NDUFAF6: variants seen among roughly 807,000 people sequenced by gnomAD.
NDUFAF6 encodes NADH:ubiquinone oxidoreductase complex assembly factor 6.
In NDUFAF6, 45 loss-of-function variants were observed where a neutral mutation model predicts 40.8. The ratio of observed to expected loss-of-function variants is 1.10; its 90% CI spans 0.87 to 1.42. The LOEUF is 1.42. Ranked by LOEUF, NDUFAF6 falls within the 40% of genes most tolerant of loss-of-function variation. NDUFAF6 has a pLI of 0.00. For synonymous variants in NDUFAF6, 185 were observed against 155.9 expected, an observed-to-expected ratio of 1.19 and a Z score of -1.39; for missense variants, 435 against 418.5, an observed-to-expected ratio of 1.04 and a Z score of -0.34.
chr8:94,987,859 G>GT (rs1211603578), intron 2 of NDUFAF6, among the ~76,000 whole-genome samples: 1 of 152,198 alleles, frequency 6.6e-6, no homozygotes, highest in Non-Finnish European at 1.5e-5. Context: ...CTAGGCTGGT[G>GT]TTTAATTCCA....
chr8:95,024,686 A>G (rs1468685628), upstream of NDUFAF6, among the ~76,000 whole-genome samples: 1 of 151,834 alleles, frequency 6.6e-6, no homozygotes, highest in Non-Finnish European at 1.5e-5. Flanking sequence ...GCGGGGCGTG[A>G]TTTTGGCAGC....
chr8:94,921,317 C>T (rs959978583), intron 1 of NDUFAF6, among the ~76,000 whole-genome samples: 2 of 152,210 alleles, frequency 1.3e-5, no homozygotes, highest in African/African-American at 2.4e-5. Flanking sequence ...CAGCTTCTCT[C>T]GGCAGTCCCA....
chr8:95,003,832 T>C (rs748058898), intron 2 of NDUFAF6, among the ~76,000 whole-genome samples: 8 of 152,234 alleles, frequency 5.3e-5, no homozygotes, highest in East Asian at 1.9e-4. Flanking sequence ...ATTTTAACCA[T>C]TTTAAGTGTG....
intron 2 of NDUFAF6, among the ~76,000 whole-genome samples, chr8:94,950,572 T>G (rs1822508263): frequency 6.6e-6 from 1 of 152,132 alleles, no homozygotes; most frequent in African/African-American, 2.4e-5. Flanking sequence ...GTGCAGGGAG[T>G]TGTCAGACAC....
chr8:95,063,636 G>A (rs898503486), downstream of NDUFAF6, among the ~76,000 whole-genome samples: 5 of 151,966 alleles, frequency 3.3e-5, no homozygotes, highest in Non-Finnish European at 7.4e-5. Flanking sequence ...GTCCTGCCTT[G>A]GTGTACTCTG....
intron 4 of NDUFAF6, among the ~76,000 whole-genome samples, chr8:95,111,050 G>A (rs1432347165): frequency 6.6e-6 from 1 of 152,234 alleles, no homozygotes; most frequent in Non-Finnish European, 1.5e-5. Context: ...GCCTGGGCAG[G>A]AAGCCAGAGG....
At position 95,032,026 on chromosome 8, in the gene NDUFAF6, C is replaced by G; in HGVS notation, c.229C>G (p.Leu77Val). The part of the protein sequence containing the change: ...KRDYEGYLCS[L>V]LLPAESRSSV... ...GGATTATGAAGGTTATTTATGCTCC[C>G]TGCTGCTCCCTGCAGAATCCCGAAG... The change falls in exon 2 of 9, where the codon CTG (leucine) becomes GTG (valine). Residue 77 changes from leucine (L) to valine (V), a missense_variant. By Grantham distance (32) the Leu-to-Val change is conservative. Transcript: ENST00000396124. 6.2e-7 allele frequency: 1 copy of G among 1,614,162 alleles called. No homozygotes were observed. The highest frequency in any genetic ancestry group is 8.5e-7 in the Non-Finnish European group (1 of 1,180,000).
chr8:94,909,840 A>T (rs527638031), intron 1 of NDUFAF6, among the ~76,000 whole-genome samples: 2 of 151,534 alleles, frequency 1.3e-5, no homozygotes, highest in Admixed American at 6.6e-5. Flanking sequence ...ATATATATAT[A>T]TAAAAGAATT....
chr8:94,951,429 A>G (rs1410770157), intron 2 of NDUFAF6: 2 of 152,252 alleles, frequency 1.3e-5, no homozygotes, highest in African/African-American at 4.8e-5. Context: ...AAGCAGCGAT[A>G]ACCAAAACAC....
intron 1 of NDUFAF6, among the ~76,000 whole-genome samples, chr8:94,910,547 A>C (rs901154863): frequency 6.6e-5 from 10 of 152,124 alleles, no homozygotes; most frequent in Non-Finnish European, 1.0e-4. Context: ...CCCTAGCCCT[A>C]CTGAGAGTTC....
intron 2 of NDUFAF6, among the ~76,000 whole-genome samples, chr8:95,084,818 A>G (rs1228860086): frequency 6.6e-6 from 1 of 152,232 alleles, no homozygotes; most frequent in African/African-American, 2.4e-5. Context: ...AGCTTTTGCA[A>G]CCAAACTTTC....
chr8:94,935,974 A>G (rs10956932), intron 1 of NDUFAF6, among the ~76,000 whole-genome samples: 95,424 of 152,026 alleles, frequency 0.63, 30,561 homozygotes, highest in East Asian at 0.79. Context: ...CCCAGGCCCA[A>G]TGGTGTATAG....
chr8:95,093,458 A>G (rs959615303), intron 2 of NDUFAF6, among the ~76,000 whole-genome samples: 4 of 152,210 alleles, frequency 2.6e-5, no homozygotes, highest in African/African-American at 7.2e-5. Context: ...ATCTGATGCC[A>G]AGACTCCATA....
intron 1 of NDUFAF6, among the ~76,000 whole-genome samples, chr8:94,904,320 CTTT>C (rs57749627): frequency 3.1e-3 from 105 of 34,102 alleles, no homozygotes; most frequent in South Asian, 3.5e-3. Context: ...ATTTTTTTTG[CTTT>C]TTTTTTTTTT....
Position 95,045,695 on chromosome 8 carries a change from A to T in NDUFAF6, c.580+48A>T, listed in dbSNP as rs770770910. The T allele has an allele frequency of 2.1e-6, 3 of 1,453,722 alleles. No homozygotes were observed. The South Asian group carries it at 3.4e-5, about 17-fold the overall frequency. The allele number at this position is 1,453,722 out of a possible 1,614,324, so 90.1% of individuals were successfully genotyped here. ...ACTTCTTTTTTCCAATAAAATACCT[A>T]TGAGATTTCACTTTTTCATAATTTG... On this transcript the variant is annotated intron_variant, in intron 5 of 8. Transcript: ENST00000396124.
chr8:94,922,641 A>G (rs952148312), intron 1 of NDUFAF6, among the ~76,000 whole-genome samples: 2 of 151,602 alleles, frequency 1.3e-5, no homozygotes, highest in South Asian at 4.2e-4. Flanking sequence ...ACCACACCCA[A>G]CTAATTTTTG....
intron 1 of NDUFAF6, among the ~76,000 whole-genome samples, chr8:94,980,566 C>A (rs1825352845): frequency 7.5e-6 from 1 of 134,146 alleles, no homozygotes; most frequent in Admixed American, 9.0e-5. Flanking sequence ...GCCTCAGCCT[C>A]CTGAATAGCT....
At chr8:94,998,006 C>G (rs892460203) in intron 2 of NDUFAF6, among the ~76,000 whole-genome samples, 3 of 152,104 alleles carry the variant, frequency 2.0e-5, no homozygotes, top group African/African-American at 7.2e-5. Context: ...CCTCTTACAC[C>G]TGGGCTGCTC....
chr8:94,955,179 G>C (rs1323232187), upstream of NDUFAF6, among the ~76,000 whole-genome samples: 1 of 152,246 alleles, frequency 6.6e-6, no homozygotes, highest in African/African-American at 2.4e-5. Flanking sequence ...GTTCTTACCA[G>C]CACATAGACC....
Sources: gnomAD v4.1 joint callset for allele counts (sites outside exome capture counted in the v4.1 genomes callset) on GRCh38, gnomAD v4.1.1 for gene constraint, MANE v1.5 for transcripts, NCBI Gene and HGNC (gene_info 2026-07-23, HGNC 2026-07-21) for gene names.